The following RB1CC1 variants were observed in gnomAD, a reference collection of about 807,000 sequenced individuals.
RB1CC1 encodes the protein RB1 inducible coiled-coil 1.
A neutral mutation model predicts 177.5 loss-of-function variants in RB1CC1; 46 were observed. The ratio of observed to expected loss-of-function variants is 0.26; its 90% CI spans 0.20 to 0.33. RB1CC1 has a LOEUF of 0.33. Among genes scored for constraint, RB1CC1 ranks in the 10% least tolerant of loss-of-function variants. RB1CC1 has a pLI of 1.00. For missense variants in RB1CC1, 1,703 were observed against 1,816.3 expected (o/e 0.94, Z 1.13); for synonymous variants, 666 against 613.6 (o/e 1.09, Z -1.26).
chr8:52,712,147 T>C (rs951417582), intron 1 of RB1CC1, among the ~76,000 whole-genome samples: 1 of 152,208 alleles, frequency 6.6e-6, no homozygotes, highest in African/African-American at 2.4e-5. Context: ...AAGGGACTGC[T>C]AGATTTTCAA....
In RB1CC1 at chr8:52,622,647, T is replaced by A. The variant is rs1453824029; in HGVS notation, c.*1135A>T. On this transcript the variant is annotated 3_prime_UTR_variant, in exon 24 of 24. Transcript: ENST00000025008. ...TTCTCTAGCAACAAACCTCAAACAATTCTCATCCAACTCAACTAACTCATT... is the reference window on the plus strand; with the variant it reads ...TTCTCTAGCAACAAACCTCAAACAAATCTCATCCAACTCAACTAACTCATT... 4 of 152,040 alleles carry A rather than the reference T, an allele frequency of 2.6e-5. No individual in the cohort carries two copies. The highest frequency in any genetic ancestry group is 5.9e-5 in the Non-Finnish European group (4 of 67,576). The allele number at this position is 152,040 out of a possible 1,614,324, so 9.4% of individuals were successfully genotyped here. A position where few individuals can be genotyped will look rare whatever the true frequency, so the allele number is the denominator to read the frequency against.
At chr8:52,708,377 CATGGTGGCGGAT>C (rs1385244255) in intron 1 of RB1CC1, among the ~76,000 whole-genome samples, 9 of 152,134 alleles carry the variant, frequency 5.9e-5, no homozygotes, top group Non-Finnish European at 1.0e-4. Flanking sequence ...ATTAGCCGGG[CATGGTGGCGGAT>C]GCCTGTAGTC....
intron 12 of RB1CC1, among the ~76,000 whole-genome samples, chr8:52,659,435 G>C (rs1198286451): frequency 6.6e-6 from 1 of 151,656 alleles, no homozygotes; most frequent in Non-Finnish European, 1.5e-5. Context: ...TTTTCCAGAA[G>C]ACAAAGTTTT....
At chr8:52,672,827 C>G (rs1852730425) in intron 7 of RB1CC1, among the ~76,000 whole-genome samples, 1 of 152,160 alleles carries the variant, frequency 6.6e-6, no homozygotes, top group Non-Finnish European at 1.5e-5. Flanking sequence ...ATGGAATTTT[C>G]AGGCCACTAC....
chr8:52,658,205 C>G, intron 13 of RB1CC1, 81 bp from the exon 14 acceptor site: 10 of 1,354,722 alleles, frequency 7.4e-6, no homozygotes, highest in Non-Finnish European at 9.1e-6. Context: ...TTTAATATGT[C>G]AAAAATAACA....
chr8:52,710,826 T>C (rs1274708143), intron 1 of RB1CC1, among the ~76,000 whole-genome samples: 2 of 152,158 alleles, frequency 1.3e-5, no homozygotes, highest in East Asian at 3.8e-4. Context: ...AACCAAATTA[T>C]TAAACCAGCC....
chr8:52,667,866 C>T (rs1322875512), intron 8 of RB1CC1, among the ~76,000 whole-genome samples, 155 bp downstream of exon 8: 6 of 152,142 alleles, frequency 3.9e-5, no homozygotes, highest in Admixed American at 2.6e-4. Flanking sequence ...TAAGAACATG[C>T]TTTTCTGTTT....
chr8:52,708,250 C>G (rs1856755556), intron 1 of RB1CC1, among the ~76,000 whole-genome samples: 3 of 152,374 alleles, frequency 2.0e-5, no homozygotes, highest in African/African-American at 4.8e-5. Context: ...GGCACACTGG[C>G]TCACGCCTGT....
chr8:52,671,423 G>C (rs1852588657), intron 7 of RB1CC1, among the ~76,000 whole-genome samples: 1 of 152,156 alleles, frequency 6.6e-6, no homozygotes, highest in African/African-American at 2.4e-5. Flanking sequence ...TATCAGGTAG[G>C]TTAGTTGTTT....
At chr8:52,626,399 T>A (rs1006597913) in intron 22 of RB1CC1, among the ~76,000 whole-genome samples, 1 of 152,200 alleles carries the variant, frequency 6.6e-6, no homozygotes, top group Non-Finnish European at 1.5e-5. Flanking sequence ...CATGGAAATG[T>A]TGAAAGGTAA....
chr8:52,627,378 T>G (rs1470814414), intron 22 of RB1CC1, among the ~76,000 whole-genome samples: 1 of 152,174 alleles, frequency 6.6e-6, no homozygotes, highest in East Asian at 1.9e-4. Context: ...AATATATAGA[T>G]AAGATACTTG....
intron 18 of RB1CC1, among the ~76,000 whole-genome samples, chr8:52,640,803 A>T (rs571749356): frequency 6.6e-6 from 1 of 152,016 alleles, no homozygotes; most frequent in East Asian, 1.9e-4. Context: ...TTTTTGTTCT[A>T]TTTTATTTTT....
chr8:52,700,432 C>T (rs940995414), intron 1 of RB1CC1, among the ~76,000 whole-genome samples: 1 of 151,120 alleles, frequency 6.6e-6, no homozygotes, highest in East Asian at 2.0e-4. Flanking sequence ...GGGGTGGGGG[C>T]GCTGAGGCAG....
At chr8:52,631,705 A>T (rs934249507) in intron 20 of RB1CC1, among the ~76,000 whole-genome samples, 1 of 152,212 alleles carries the variant, frequency 6.6e-6, no homozygotes, top group African/African-American at 2.4e-5. Flanking sequence ...CTTAAGGTCC[A>T]TATATGCTCG....
intron 19 of RB1CC1, 69 bp downstream of exon 19, chr8:52,635,946 G>T: frequency 6.5e-7 from 1 of 1,545,148 alleles, no homozygotes; most frequent in South Asian, 1.2e-5. Context: ...TATGTTTCCA[G>T]AATGAAGTTT....
At chr8:52,646,092 C>A (rs1258437722) in intron 15 of RB1CC1, among the ~76,000 whole-genome samples, 1 of 152,150 alleles carries the variant, frequency 6.6e-6, no homozygotes. Flanking sequence ...ATCAGTATAG[C>A]AGATAAATTC....
chr8:52,675,604 C>A (rs978089923), intron 6 of RB1CC1, among the ~76,000 whole-genome samples: 1 of 151,658 alleles, frequency 6.6e-6, no homozygotes, highest in African/African-American at 2.4e-5. Flanking sequence ...GGTGCAGTGG[C>A]TCACGCCTGT....
chr8:52,630,099 A>G (rs1848652122), intron 21 of RB1CC1, among the ~76,000 whole-genome samples: 1 of 152,212 alleles, frequency 6.6e-6, no homozygotes, highest in African/African-American at 2.4e-5. Flanking sequence ...AATGAAATCT[A>G]AAAACTAAAA....
intron 11 of RB1CC1, 23 bp from the exon 12 acceptor site, chr8:52,660,680 TG>T: frequency 1.3e-6 from 2 of 1,571,814 alleles, no homozygotes; most frequent in South Asian, 1.2e-5. Flanking sequence ...ATTAACAATA[TG>T]GTTATTTTAG....
Sources: gnomAD v4.1 joint callset for allele counts (sites outside exome capture counted in the v4.1 genomes callset) on GRCh38, gnomAD v4.1.1 for gene constraint, MANE v1.5 for transcripts, NCBI Gene and HGNC (gene_info 2026-07-23, HGNC 2026-07-21) for gene names.